PXN: variants seen among roughly 807,000 people sequenced by gnomAD.
The protein encoded by PXN is testicular tissue protein Li 134.
A neutral mutation model predicts 103.6 loss-of-function variants in PXN; 61 were observed. That is an observed-to-expected ratio of 0.59 (90% CI 0.48 to 0.73). The LOEUF (loss-of-function observed/expected upper bound fraction) is 0.73. PXN is among the 30% of genes least tolerant of loss of function. PXN has a pLI of 0.00. For missense variants in PXN, 1,274 were observed against 1,460.3 expected (o/e 0.87, Z 2.08); for synonymous variants, 562 against 607.8 (o/e 0.92, Z 1.11).
At chr12:120,226,553 C>T (rs1886924634) in intron 1 of PXN, 1 of 1,217,326 alleles carries the variant, frequency 8.2e-7, no homozygotes, top group African/African-American at 1.6e-5. Flanking sequence ...GGGACTCCAC[C>T]AAACACCCGC....
Position 120,265,085 on chromosome 12 carries a change from C to A in PXN, c.13+532G>T, listed in dbSNP as rs948363512. Among the ~76,000 whole-genome samples, 2 of 151,852 alleles carry A rather than the reference C, an allele frequency of 1.3e-5. No individual in the cohort carries two copies. The highest frequency in any genetic ancestry group is 2.9e-5 in the Non-Finnish European group (2 of 67,970). ...AAGGGGTGGGCTCCGAGGGGTTATC[C>A]CTGAAGGGGGGTGCTAGTCTGTGAA... On this transcript the variant is annotated intron_variant, in intron 1 of 14. Transcript: ENST00000637617. The surrounding 1 kb of genome is among the most constrained non-coding windows in gnomAD (Gnocchi z 5.7).
In PXN at chr12:120,223,695, C is replaced by T. The variant is rs1050971151; in HGVS notation, c.356+23G>A. 9 of 1,522,532 alleles carry T rather than the reference C, an allele frequency of 5.9e-6. No individual in the cohort carries two copies. In the Admixed American group the frequency reaches 7.7e-5, roughly 13 times the overall value. 94.3% of individuals were successfully genotyped at this position (1,522,532 alleles called of 1,614,324 possible). ...AGATTTCTAAGCAGGAGGGAAGGTGCCCTGGGCAGACTGGGGCAGTACCTG... is the reference window on the plus strand; with the variant it reads ...AGATTTCTAAGCAGGAGGGAAGGTGTCCTGGGCAGACTGGGGCAGTACCTG... On this transcript the variant is annotated intron_variant, in intron 3 of 14. Transcript: ENST00000637617.
chr12:120,248,174 C>T (rs537617219), intron 1 of PXN, among the ~76,000 whole-genome samples: 20 of 152,194 alleles, frequency 1.3e-4, no homozygotes, highest in Admixed American at 4.6e-4. Flanking sequence ...AGGTGAAGAG[C>T]AGGAGGACAG....
At position 120,213,843 on chromosome 12, in the gene PXN, C is replaced by T. The variant is rs375365730; in HGVS notation, c.2978G>A (p.Arg993Gln). ...CAGATGTGGTCAGGGGCTCCTTACC[C>T]GGCACACAAAGCACTCAGGATGCCA... ...TLWHPECFVC[R>Q]ECFTPFVNGS... Residue 993 changes from arginine to glutamine, a missense_variant and splice_region_variant, in exon 14 of 15, where the codon CGG becomes CAG. This residue lies in a region of PXN where 96 missense variants were observed against 151.3 expected (regional missense o/e 0.63). Transcript: ENST00000637617. This position sits in a 1 kb window ranked among gnomAD's most constrained non-coding sequence, Gnocchi z 4.2. 18 of 1,609,808 alleles carry T rather than the reference C, an allele frequency of 1.1e-5. No individual in the cohort carries two copies. The highest frequency in any genetic ancestry group is 2.7e-5 in the African/African-American group (2 of 74,842).
At chr12:120,246,581 G>A (rs1327353265) in intron 1 of PXN, among the ~76,000 whole-genome samples, 5 of 144,474 alleles carry the variant, frequency 3.5e-5, no homozygotes, top group South Asian at 4.4e-4. Flanking sequence ...CAGGCCAGGC[G>A]CGGTGGCTCA....
chr12:120,257,091 G>A (rs886201937), intron 1 of PXN, among the ~76,000 whole-genome samples: 12 of 152,084 alleles, frequency 7.9e-5, no homozygotes, highest in African/African-American at 2.4e-4. Context: ...CACACAGACC[G>A]GGATCCAGAA....
At chr12:120,238,103 T>C (rs763328582) in intron 1 of PXN, among the ~76,000 whole-genome samples, 14 of 152,100 alleles carry the variant, frequency 9.2e-5, no homozygotes, top group Non-Finnish European at 1.6e-4. Flanking sequence ...AGGAAGCAGA[T>C]GGAGCTGCAG....
At position 120,219,789 on chromosome 12, in the gene PXN, C is replaced by T; in HGVS notation, c.1134G>A (p.Glu378=). 1 of 1,598,276 alleles carries T rather than the reference C, an allele frequency of 6.3e-7. No homozygotes were observed. The highest frequency in any genetic ancestry group is 1.1e-5 in the South Asian group (1 of 91,052). Residue 378 remains glutamate (E), a synonymous_variant, in exon 7 of 15, where the codon GAG becomes GAA. Transcript: ENST00000637617. The surrounding 1 kb of genome is among the most constrained non-coding windows in gnomAD (Gnocchi z 6.5). ...GGTGCCTCCAATCTCGACCCTGACTCTCTGTGCCCACTGCCCACAGAGAAC... is the reference window on the plus strand; with the variant it reads ...GGTGCCTCCAATCTCGACCCTGACTTTCTGTGCCCACTGCCCACAGAGAAC... ...VEGSLWAVGT[E]SQGRDWRHLP...
chr12:120,230,861 A>C (rs1272787696), intron 1 of PXN, among the ~76,000 whole-genome samples: 1 of 152,152 alleles, frequency 6.6e-6, no homozygotes, highest in Non-Finnish European at 1.5e-5. Context: ...TAGGGCCTGG[A>C]CACTGACTAG....
intron 1 of PXN, among the ~76,000 whole-genome samples, chr12:120,248,492 T>TCACACACACACACACACA (rs3221954): frequency 3.1e-5 from 4 of 127,842 alleles, no homozygotes; most frequent in African/African-American, 9.4e-5. Flanking sequence ...CAGATGACTT[T>TCACACACACACACACACA]CACACACACA....
chr12:120,222,485 C>T lies in PXN; in HGVS notation c.695+64G>A. On this transcript the variant is annotated intron_variant, in intron 5 of 14. Transcript: ENST00000637617. The surrounding 1 kb of genome is among the most constrained non-coding windows in gnomAD (Gnocchi z 4.7). ...GTGATACCAGGGCTAAGGGGACAGA[C>T]ACTGGACCCGGGGCAGGCTGGGCCA... 1 of 1,492,048 alleles carries T rather than the reference C, an allele frequency of 6.7e-7. No individual in the cohort carries two copies. The highest frequency in any genetic ancestry group is 9.0e-7 in the Non-Finnish European group (1 of 1,108,956). The allele number at this position is 1,492,048 out of a possible 1,614,324, so 92.4% of individuals were successfully genotyped here. A position where few individuals can be genotyped will look rare whatever the true frequency, so the allele number is the denominator to read the frequency against.
Position 120,217,073 on chromosome 12 carries a change from T to C in PXN, c.1760A>G (p.His587Arg). The change falls in exon 8 of 15, where the codon CAC becomes CGC. Residue 587 changes from histidine (H) to arginine (R), a missense_variant. Physicochemically the swap from His to Arg is conservative, Grantham distance 29. Around this residue, in one of 2 missense-constraint regions of PXN, gnomAD observed 1,178 missense variants for 1,309.0 expected, o/e 0.90. Transcript: ENST00000637617. This position sits in a 1 kb window ranked among gnomAD's most constrained non-coding sequence, Gnocchi z 4.1. ...IRRSWESGHA[H>R]PMSREPSPRR... ...AGGGGAGGGCTCCCGGGACATGGGGTGTGCGTGGCCAGACTCCCAGCTCCT... is the reference window on the plus strand; with the variant it reads ...AGGGGAGGGCTCCCGGGACATGGGGCGTGCGTGGCCAGACTCCCAGCTCCT... 1 of 1,591,100 alleles carries C rather than the reference T, an allele frequency of 6.3e-7. No individual in the cohort carries two copies.
Position 120,222,728 on chromosome 12 carries a change from C to T in PXN, c.516G>A (p.Pro172=), listed in dbSNP as rs772963758. ...AGAGGGGGCTCAGGGCCCCAGGAAG[C>T]GGGGGGCTTGAGTTGGCCTCATCTT... is the stretch of plus-strand genomic sequence containing the variant. ...FPADEANSSP[P]LPGALSPLYG... Residue 172 remains proline, a synonymous_variant, in exon 5 of 15, where the codon CCG becomes CCA. Transcript: ENST00000637617. This position sits in a 1 kb window ranked among gnomAD's most constrained non-coding sequence, Gnocchi z 4.7. 114 of 1,607,244 alleles carry T rather than the reference C, an allele frequency of 7.1e-5. No individual in the cohort carries two copies. Among genetic ancestry groups the T allele is most frequent in the African/African-American group, 5.0e-4 (37 of 74,668 alleles).
chr12:120,213,899 C>T lies in PXN; in HGVS notation c.2922G>A (p.Leu974=). The part of the protein sequence containing the change: ...PKCGGCARAI[L]ENYISALNTL... Reference sequence around the variant, plus strand: ...TGTTGAGGGCTGAGATATAGTTCTCCAGGATGGCCCGGGCGCAGCCGCCAC... The same window carrying T: ...TGTTGAGGGCTGAGATATAGTTCTCTAGGATGGCCCGGGCGCAGCCGCCAC... The change falls in exon 14 of 15, where the codon CTG becomes CTA. Residue 974 remains leucine (L), a synonymous_variant. Transcript: ENST00000637617. The surrounding 1 kb of genome is among the most constrained non-coding windows in gnomAD (Gnocchi z 4.2). 6.2e-7 allele frequency: 1 copy of T among 1,611,128 alleles called. No individual in the cohort carries two copies. Among genetic ancestry groups the T allele is most frequent in the Non-Finnish European group, 8.5e-7 (1 of 1,178,872 alleles).
In PXN at chr12:120,214,179, T is replaced by C. The variant is rs980680895; in HGVS notation, c.2787A>G (p.Glu929=). ...CTCCACACTGTGCACAGAAGAAGTG[T>C]TCAGGGTGCCACGTCCGGTCAAGGG... ...VTALDRTWHP[E]HFFCAQCGAF... The change falls in exon 13 of 15, where the codon GAA becomes GAG. Residue 929 remains glutamate, a synonymous_variant. Transcript: ENST00000637617. The surrounding 1 kb of genome is among the most constrained non-coding windows in gnomAD (Gnocchi z 5.0). 1 of 1,552,090 alleles carries C rather than the reference T, an allele frequency of 6.4e-7. No homozygotes were observed. Among genetic ancestry groups the C allele is most frequent in the African/African-American group, 1.4e-5 (1 of 73,044 alleles).
chr12:120,215,762 T>C lies in PXN; in HGVS notation c.2302-101A>G. ...CTAAAAGGGAATCTAGGATGAGATCTGAGGGTTTCTCCCCCACCGGCAGGA... is the reference window on the plus strand; with the variant it reads ...CTAAAAGGGAATCTAGGATGAGATCCGAGGGTTTCTCCCCCACCGGCAGGA... On this transcript the variant is annotated intron_variant, in intron 9 of 14. Coordinates refer to ENST00000637617, the MANE Select transcript of PXN (RefSeq NM_001385981.1). The surrounding 1 kb of genome is among the most constrained non-coding windows in gnomAD (Gnocchi z 4.9). 1 of 1,348,648 alleles carries C rather than the reference T, an allele frequency of 7.4e-7. No homozygotes were observed. Among genetic ancestry groups the C allele is most frequent in the Non-Finnish European group, 9.8e-7 (1 of 1,023,268 alleles). 83.5% of individuals were successfully genotyped at this position (1,348,648 alleles called of 1,614,324 possible).
At position 120,215,528 on chromosome 12, in the gene PXN, C is replaced by T. The variant is rs377375974; in HGVS notation, c.2403+32G>A. ...GGCCAAGCCCAGGGAGAGCACGACA[C>T]GCAGGACACCCAGCCCAGCCTTGGC... On this transcript the variant is annotated intron_variant, in intron 10 of 14. Coordinates refer to ENST00000637617, the MANE Select transcript of PXN (RefSeq NM_001385981.1). The surrounding 1 kb of genome is among the most constrained non-coding windows in gnomAD (Gnocchi z 4.9). 37 of 1,548,926 alleles carry T rather than the reference C, an allele frequency of 2.4e-5. No homozygotes were observed. The highest frequency in any genetic ancestry group is 1.8e-4 in the Admixed American group (9 of 50,712).
At position 120,265,489 on chromosome 12, in the gene PXN, C is replaced by A; in HGVS notation, c.13+128G>T. 1 of 1,104,062 alleles carries A rather than the reference C, an allele frequency of 9.1e-7. No individual in the cohort carries two copies. The highest frequency in any genetic ancestry group is 1.2e-6 in the Non-Finnish European group (1 of 836,066). The allele number at this position is 1,104,062 out of a possible 1,614,324, so 68.4% of individuals were successfully genotyped here. A position where few individuals can be genotyped will look rare whatever the true frequency, so the allele number is the denominator to read the frequency against. The stretch of plus-strand genomic sequence containing the variant: ...CCCAGCCCCGCGGAGCCCCGGCCGG[C>A]AGGGACAGGAGCTGAGGCCGGGGCC... On this transcript the variant is annotated intron_variant, in intron 1 of 14. Transcript: ENST00000637617. The surrounding 1 kb of genome is among the most constrained non-coding windows in gnomAD (Gnocchi z 5.7).
At chr12:120,226,487 C>T in intron 1 of PXN, 1 of 1,273,906 alleles carries the variant, frequency 7.8e-7, no homozygotes, top group Non-Finnish European at 1.0e-6. Context: ...CTCTTGGACT[C>T]CAAACACCCA....
Sources: gnomAD v4.1 joint callset for allele counts (sites outside exome capture counted in the v4.1 genomes callset) on GRCh38, gnomAD v4.1.1 for gene constraint, gnomAD v4.1.1 regional missense constraint, Gnocchi (gnomAD v3.1) non-coding constraint, MANE v1.5 for transcripts, NCBI Gene and HGNC (gene_info 2026-07-23, HGNC 2026-07-21) for gene names.